TSC2: variants seen among roughly 807,000 people sequenced by gnomAD.
TSC2 encodes TSC complex subunit 2, also known as tuberin.
In TSC2, 29 loss-of-function variants were observed where a neutral mutation model predicts 202.2. The observed-to-expected ratio is 0.14, with a 90% CI of 0.11 to 0.20. The LOEUF (loss-of-function observed/expected upper bound fraction) is 0.20. TSC2 is among the 10% of genes least tolerant of loss of function. The probability of loss-of-function intolerance (pLI) is 1.00; values close to 1 mark genes in which losing one functional copy is unlikely to be tolerated. For synonymous variants in TSC2, 1,349 were observed against 1,044.0 expected (o/e 1.29, Z -5.63); for missense variants, 2,429 against 2,420.0 (o/e 1.00, Z -0.08).
chr16:2,067,340 T>C (rs981897335), intron 16 of TSC2, among the ~76,000 whole-genome samples: 1 of 151,806 alleles, frequency 6.6e-6, no homozygotes, highest in Non-Finnish European at 1.5e-5. Flanking sequence ...TTTTTCATTT[T>C]TTGTAGAGAT....
At chr16:2,087,254 C>A in intron 38 of TSC2, 1 of 366,358 alleles carries the variant, frequency 2.7e-6, no homozygotes. Flanking sequence ...GCGTCACCCT[C>A]TTCCTGGAGG....
At chr16:2,058,450 C>T (rs1596286591) in intron 9 of TSC2, among the ~76,000 whole-genome samples, 1 of 152,232 alleles carries the variant, frequency 6.6e-6, no homozygotes, top group Admixed American at 6.5e-5. Flanking sequence ...ATGTGGCTGG[C>T]GCCTGTCTCC....
Position 2,088,561 on chromosome 16 carries a change from A to C in TSC2, c.5375A>C (p.Gln1792Pro). 1 of 1,610,784 alleles carries C rather than the reference A, an allele frequency of 6.2e-7. No homozygotes were observed. Among genetic ancestry groups the C allele is most frequent in the Non-Finnish European group, 8.5e-7 (1 of 1,179,928 alleles). Residue 1792 changes from glutamine to proline, a missense_variant, in exon 42 of 42, where the codon CAG becomes CCG. Physicochemically the swap from Gln to Pro is moderately conservative, Grantham distance 76. Coordinates refer to ENST00000219476, the MANE Select transcript of TSC2 (RefSeq NM_000548.5). ...CCCACACCTGGCTATGAGGTGGGCC[A>C]GCGGAAGCGCCTCATCTCCTCGGTG... The part of the protein sequence containing the change: ...AEPTPGYEVG[Q>P]RKRLISSVED...
Position 2,062,023 on chromosome 16 carries a change from T to C in TSC2, c.1257+15T>C. On this transcript the variant is annotated intron_variant, in intron 12 of 41. Coordinates refer to ENST00000219476, the MANE Select transcript of TSC2 (RefSeq NM_000548.5). The stretch of plus-strand genomic sequence containing the variant: ...ACCAGAGGCCTGTGAGACCCCCTCC[T>C]GGGTGGGGCCTTTGGGCTTTGGCTG... 3.1e-6 allele frequency: 5 copies of C among 1,613,918 alleles called. No homozygotes were observed. Among genetic ancestry groups the C allele is most frequent in the African/African-American group, 2.7e-5 (2 of 75,040 alleles).
intron 36 of TSC2, 88 bp from the exon 37 acceptor site, chr16:2,086,105 C>G (rs146465188): frequency 6.6e-7 from 1 of 1,525,934 alleles, no homozygotes; most frequent in Non-Finnish European, 9.0e-7. Flanking sequence ...GTGGGGCTCC[C>G]GGCAGAGCCT....
chr16:2,065,337 T>C (rs902767654), intron 15 of TSC2, 182 bp from the exon 16 acceptor site: 5 of 617,386 alleles, frequency 8.1e-6, no homozygotes, highest in African/African-American at 8.0e-5. Context: ...GGCGTGAACC[T>C]GGGAGGCGGA....
chr16:2,081,594 G>T lies in TSC2; in HGVS notation c.3611-1G>T. On this transcript the variant is annotated splice_acceptor_variant, in intron 30 of 41. Coordinates refer to ENST00000219476, the MANE Select transcript of TSC2 (RefSeq NM_000548.5). LOFTEE classifies it high-confidence loss of function. ...GGCCAAAGGTGCTGCCGCCTCCGCA[G>T]GGAACACCAGCTGGCTGATGAGCCT... 1 of 1,612,882 alleles carries T rather than the reference G, an allele frequency of 6.2e-7. No individual in the cohort carries two copies. Among genetic ancestry groups the T allele is most frequent in the South Asian group, 1.1e-5 (1 of 91,074 alleles).
rs2085853118 is a variant in TSC2 at position 2,056,548 on chromosome 16, G to T, written c.649-96G>T. ...GCCATGGCAGCGGGGAGAGGTGGCA[G>T]CGCAGGCTGAAGGAGGTGGGAAGGA... On this transcript the variant is annotated intron_variant, in intron 7 of 41. Transcript: ENST00000219476. 3.3e-6 allele frequency: 5 copies of T among 1,536,288 alleles called. No homozygotes were observed. The Admixed American group carries it at 9.2e-5, about 28-fold the overall frequency.
At chr16:2,066,651 CTT>C (rs34619573) in intron 16 of TSC2, among the ~76,000 whole-genome samples, 10,231 of 97,850 alleles carry the variant, frequency 0.1, 625 homozygotes, top group African/African-American at 0.27. Flanking sequence ...TCTGATTTAT[CTT>C]TTTTTTTTTT....
At chr16:2,082,849 G>A (rs2090306189) in intron 32 of TSC2, 2 of 447,792 alleles carry the variant, frequency 4.5e-6, no homozygotes, top group African/African-American at 2.0e-5. Context: ...CCCACCCCTG[G>A]GCCTGCACCG....
intron 32 of TSC2, 127 bp from the exon 33 acceptor site, chr16:2,083,568 C>G: frequency 1.4e-6 from 2 of 1,480,730 alleles, no homozygotes; most frequent in Non-Finnish European, 1.8e-6. Context: ...CAGCAGTAAG[C>G]AGAGCCCTGG....
intron 31 of TSC2, chr16:2,082,223 G>A: frequency 1.6e-6 from 1 of 615,508 alleles, no homozygotes; most frequent in Non-Finnish European, 2.9e-6. Context: ...ATGGCACTTA[G>A]CGGCCTAGGA....
chr16:2,062,419 C>G, intron 12 of TSC2, 78 bp from the exon 13 acceptor site: 1 of 1,397,986 alleles, frequency 7.2e-7, no homozygotes, highest in Admixed American at 2.0e-5. Flanking sequence ...AGCAAACCAG[C>G]CTCTCGACCA....
chr16:2,066,679 A>G lies in TSC2; in HGVS notation c.1716+1044A>G, dbSNP rs190653274. On this transcript the variant is annotated intron_variant, in intron 16 of 41. Coordinates refer to ENST00000219476, the MANE Select transcript of TSC2 (RefSeq NM_000548.5). ...TTTTTTTTTTTTTTTTTTTTTTGAT[A>G]CAGTCTCACTCTGTCGCCCAGGCTG... is the stretch of plus-strand genomic sequence containing the variant. Among the ~76,000 whole-genome samples the G allele has an allele frequency of 1.2e-3, 126 of 105,676 alleles. 1 individual carries two copies. The East Asian group carries it at 0.03, about 25-fold the overall frequency. The allele number at this position is 105,676 out of a possible 152,430, so 69.3% of individuals were successfully genotyped here.
At chr16:2,051,448 G>A (rs934041082) in intron 3 of TSC2, among the ~76,000 whole-genome samples, 1 of 152,138 alleles carries the variant, frequency 6.6e-6, no homozygotes, top group African/African-American at 2.4e-5. Flanking sequence ...TCCTAGGCAC[G>A]CTGGTCTTGG....
Position 2,050,119 on chromosome 16 carries a change from C to G in TSC2, c.139-281C>G, listed in dbSNP as rs748686226. On this transcript the variant is annotated intron_variant, in intron 2 of 41. Coordinates refer to ENST00000219476, the MANE Select transcript of TSC2 (RefSeq NM_000548.5). The stretch of plus-strand genomic sequence containing the variant: ...TATAGACGCCCACCACCACGCCCAG[C>G]AAATTTTTTGTATTTTTAGTAGAGA... Among the ~76,000 whole-genome samples, 120 of 152,068 alleles carry G rather than the reference C, an allele frequency of 7.9e-4. 2 individuals are homozygous for G. The highest frequency in any genetic ancestry group is 7.8e-4 in the Non-Finnish European group (53 of 67,984).
At position 2,088,582 on chromosome 16, in the gene TSC2, C is replaced by T. The variant is rs778484981; in HGVS notation, c.5396C>T (p.Ser1799Leu). The T allele has an allele frequency of 1.4e-5, 23 of 1,607,838 alleles. No homozygotes were observed. The highest frequency in any genetic ancestry group is 1.8e-5 in the Non-Finnish European group (21 of 1,179,852). The change falls in exon 42 of 42, where the codon TCG (serine) becomes TTG (leucine). Residue 1799 changes from serine (S) to leucine (L), a missense_variant. Physicochemically the swap from Ser to Leu is moderately radical, Grantham distance 145. Transcript: ENST00000219476. ...GGCCAGCGGAAGCGCCTCATCTCCTCGGTGGAGGACTTCACCGAGTTTGTG... is the reference window on the plus strand; with the variant it reads ...GGCCAGCGGAAGCGCCTCATCTCCTTGGTGGAGGACTTCACCGAGTTTGTG... ...EVGQRKRLIS[S>L]VEDFTEFV is the part of the protein sequence containing the mutation.
chr16:2,070,998 G>T (rs552173304), intron 17 of TSC2, among the ~76,000 whole-genome samples: 4 of 152,110 alleles, frequency 2.6e-5, no homozygotes, highest in African/African-American at 9.7e-5. Flanking sequence ...GGCAGGGCAG[G>T]GATGGGCAGA....
At chr16:2,072,102 T>G (rs1283744847) in intron 19 of TSC2, 139 bp from the exon 20 acceptor site, 3 of 1,533,730 alleles carry the variant, frequency 2.0e-6, no homozygotes, top group South Asian at 1.2e-5. Context: ...AGGCCTGCGC[T>G]GGGCAGGCTC....
Sources: gnomAD v4.1 joint callset for allele counts (sites outside exome capture counted in the v4.1 genomes callset) on GRCh38, gnomAD v4.1.1 for gene constraint, MANE v1.5 for transcripts, NCBI Gene and HGNC (gene_info 2026-07-23, HGNC 2026-07-21) for gene names.